FSTL5: variants seen among roughly 807,000 people sequenced by gnomAD.
FSTL5 encodes the protein follistatin-related protein 5.
In FSTL5, 62 loss-of-function variants were observed where a neutral mutation model predicts 89.1. The ratio of observed to expected loss-of-function variants is 0.70; its 90% CI spans 0.57 to 0.86. The LOEUF (loss-of-function observed/expected upper bound fraction) is 0.86. FSTL5 is among the 40% of genes least tolerant of loss of function. FSTL5 has a pLI of 0.00. For missense variants in FSTL5, 1,057 were observed against 1,001.6 expected (o/e 1.06, Z -0.75); for synonymous variants, 383 against 346.2 (o/e 1.11, Z -1.18).
intron 2 of FSTL5, chr4:162,042,056 A>G (rs1291190654): frequency 6.6e-6 from 1 of 152,108 alleles, no homozygotes; most frequent in Non-Finnish European, 1.5e-5. Context: ...AGGCTGAGCC[A>G]GGAGAATCAC....
intron 2 of FSTL5, among the ~76,000 whole-genome samples, chr4:162,046,148 G>A (rs535060438): frequency 6.6e-6 from 1 of 151,924 alleles, no homozygotes; most frequent in South Asian, 2.1e-4. Flanking sequence ...TTTTTTATTT[G>A]GAACGTACAT....
At chr4:161,667,264 A>C (rs1736934438) in intron 6 of FSTL5, among the ~76,000 whole-genome samples, 1 of 152,218 alleles carries the variant, frequency 6.6e-6, no homozygotes, top group Admixed American at 6.5e-5. Context: ...GGTTGAGTCT[A>C]TTTATTCAGT....
chr4:161,591,674 G>T (rs574378842), intron 7 of FSTL5, among the ~76,000 whole-genome samples: 15 of 152,120 alleles, frequency 9.9e-5, no homozygotes, highest in Non-Finnish European at 2.1e-4. Flanking sequence ...ATTGCAATCA[G>T]TAACAGAGAG....
intron 2 of FSTL5, among the ~76,000 whole-genome samples, chr4:162,076,231 A>C: frequency 6.6e-6 from 1 of 151,896 alleles, no homozygotes; most frequent in East Asian, 1.9e-4. Flanking sequence ...CTATGGCTAA[A>C]ATTTCAGAGT....
intron 2 of FSTL5, among the ~76,000 whole-genome samples, chr4:162,099,142 C>T (rs374427688): frequency 1.8e-4 from 27 of 152,112 alleles, no homozygotes; most frequent in African/African-American, 5.8e-4. Flanking sequence ...TGTATCATTT[C>T]TTTGTGTAGT....
intron 6 of FSTL5, among the ~76,000 whole-genome samples, chr4:161,662,562 T>G (rs1320629685): frequency 6.6e-6 from 1 of 151,984 alleles, no homozygotes; most frequent in African/African-American, 2.4e-5. Flanking sequence ...AGAGAAATAG[T>G]AAGCTAGAAA....
chr4:161,897,142 C>G (rs866755289), intron 4 of FSTL5, among the ~76,000 whole-genome samples: 2 of 151,146 alleles, frequency 1.3e-5, no homozygotes, highest in African/African-American at 4.9e-5. Flanking sequence ...AAAGAAGAAG[C>G]CTAATATTCA....
intron 2 of FSTL5, among the ~76,000 whole-genome samples, chr4:162,046,468 G>C (rs1454920080): frequency 6.6e-6 from 1 of 152,102 alleles, no homozygotes; most frequent in Non-Finnish European, 1.5e-5. Flanking sequence ...TCTTTTGGGA[G>C]AAACTGTGGA....
chr4:161,948,599 C>CA (rs1297137904), intron 3 of FSTL5, among the ~76,000 whole-genome samples: 2 of 151,064 alleles, frequency 1.3e-5, no homozygotes, highest in Non-Finnish European at 2.9e-5. Flanking sequence ...AGGCACCCGC[C>CA]ACCATGCCCA....
chr4:161,496,956 A>T (rs1378709103), intron 12 of FSTL5, among the ~76,000 whole-genome samples: 1 of 152,134 alleles, frequency 6.6e-6, no homozygotes, highest in East Asian at 1.9e-4. Context: ...ATATTTTCTG[A>T]TTGCATAATA....
intron 2 of FSTL5, among the ~76,000 whole-genome samples, chr4:162,074,383 G>T (rs1157833008): frequency 1.3e-5 from 2 of 149,934 alleles, no homozygotes; most frequent in South Asian, 2.1e-4. Flanking sequence ...TAAATTTTTT[G>T]GTTTTAAACT....
intron 10 of FSTL5, among the ~76,000 whole-genome samples, chr4:161,521,382 A>C (rs2126515879): frequency 6.6e-6 from 1 of 152,232 alleles, no homozygotes; most frequent in African/African-American, 2.4e-5. Context: ...AATACATTAA[A>C]TCCTCTGGTC....
At chr4:161,726,063 A>G (rs1237407190) in intron 6 of FSTL5, among the ~76,000 whole-genome samples, 1 of 152,124 alleles carries the variant, frequency 6.6e-6, no homozygotes, top group East Asian at 1.9e-4. Context: ...TGAGGAGCAG[A>G]ATTAAAATGT....
intron 4 of FSTL5, among the ~76,000 whole-genome samples, chr4:161,851,463 C>T (rs1050414870): frequency 3.3e-5 from 5 of 151,928 alleles, no homozygotes; most frequent in East Asian, 1.9e-4. Flanking sequence ...ATTTTGGAAA[C>T]GATTTCAGGT....
intron 3 of FSTL5, among the ~76,000 whole-genome samples, chr4:161,980,071 G>GAGAA (rs1044810076): frequency 7.4e-6 from 1 of 135,064 alleles, no homozygotes; most frequent in Non-Finnish European, 1.6e-5. Flanking sequence ...AAGAGAAAGA[G>GAGAA]AGAAAGAAAG....
At chr4:162,118,114 G>A (rs1731714993) in intron 1 of FSTL5, among the ~76,000 whole-genome samples, 1 of 152,136 alleles carries the variant, frequency 6.6e-6, no homozygotes. Flanking sequence ...TGGAAGGACC[G>A]GAGTGGCTTC....
intron 6 of FSTL5, among the ~76,000 whole-genome samples, chr4:161,666,972 T>A (rs982716696): frequency 1.3e-5 from 2 of 152,010 alleles, no homozygotes; most frequent in Non-Finnish European, 2.9e-5. Flanking sequence ...GCAGAAAAAA[T>A]TCTTGTGCAG....
chr4:161,461,969 A>G (rs1733599855), intron 13 of FSTL5, among the ~76,000 whole-genome samples: 1 of 152,162 alleles, frequency 6.6e-6, no homozygotes, highest in African/African-American at 2.4e-5. Flanking sequence ...TAATTGTAAG[A>G]CTATATCAAA....
intron 4 of FSTL5, among the ~76,000 whole-genome samples, chr4:161,892,339 A>C (rs916730235): frequency 6.6e-6 from 1 of 152,048 alleles, no homozygotes; most frequent in Non-Finnish European, 1.5e-5. Flanking sequence ...TTAGGGATTA[A>C]AATAATCTAA....
Sources: gnomAD v4.1 joint callset for allele counts (sites outside exome capture counted in the v4.1 genomes callset) on GRCh38, gnomAD v4.1.1 for gene constraint, MANE v1.5 for transcripts, NCBI Gene and HGNC (gene_info 2026-07-23, HGNC 2026-07-21) for gene names.